Variants in TENM1 observed in about 807,000 individuals in gnomAD.
TENM1 encodes the protein teneurin transmembrane protein 1.
Under a neutral mutation model 174.8 loss-of-function variants are expected in TENM1, and 35 were observed. The observed-to-expected ratio is 0.20, with a 90% confidence interval of 0.15 to 0.27. The LOEUF (loss-of-function observed/expected upper bound fraction) is 0.27. TENM1 is among the 10% of genes least tolerant of loss of function. The probability of loss-of-function intolerance (pLI) is 1.00; values close to 1 mark genes in which losing one functional copy is unlikely to be tolerated. For missense variants in TENM1, 1,633 were observed against 2,130.1 expected, an observed-to-expected ratio of 0.77 and a Z score of 4.59; for synonymous variants, 781 against 798.7, an observed-to-expected ratio of 0.98 and a Z score of 0.37.
chrX:124,711,712 G>C (rs1447024499), intron 4 of TENM1, among the ~76,000 whole-genome samples: 1 of 111,785 alleles, frequency 8.9e-6, no homozygotes, highest in Non-Finnish European at 1.9e-5. Context: ...GTGATAAAAA[G>C]CATATGGCAT....
chrX:124,905,148 ACT>A (rs1569478699), intron 1 of TENM1, among the ~76,000 whole-genome samples: 1 of 109,248 alleles, frequency 9.2e-6, no homozygotes, highest in Non-Finnish European at 1.9e-5. Context: ...ACAAAGTGAG[ACT>A]CTGTCTCAAT....
chrX:125,064,045 C>T, the TENM1 span, among the ~76,000 whole-genome samples: 3 of 108,785 alleles, frequency 2.8e-5, no homozygotes, highest in South Asian at 1.2e-3. Flanking sequence ...TCATTCTCAG[C>T]AAACTATCGC....
intron 11 of TENM1, among the ~76,000 whole-genome samples, chrX:124,565,925 A>G (rs999057071): frequency 1.7e-4 from 19 of 112,519 alleles, no homozygotes; most frequent in African/African-American, 6.1e-4. Context: ...GTCTCTAAGA[A>G]TAATATAAAA....
exon 24 of TENM1, chrX:124,422,423 G>A (rs2060664329): frequency 8.3e-7 from 1 of 1,211,623 alleles, no homozygotes; most frequent in Admixed American, 2.2e-5. Flanking sequence ...CGCTGTGGGA[G>A]ACACTGATGG....
chrX:124,610,792 AATG>A (rs1341126549), intron 11 of TENM1, among the ~76,000 whole-genome samples: 1 of 111,725 alleles, frequency 9.0e-6, no homozygotes, highest in Non-Finnish European at 1.9e-5. Context: ...TAGTTTCTAA[AATG>A]ATATTATAAT....
intron 27 of TENM1, among the ~76,000 whole-genome samples, chrX:124,393,929 C>T (rs2060308180): frequency 8.9e-6 from 1 of 112,571 alleles, no homozygotes; most frequent in Admixed American, 9.4e-5. Context: ...TACCACTTTA[C>T]ACCACAAACT....
chrX:124,420,175 A>C, intron 25 of TENM1, 136 bp downstream of exon 28: 2 of 798,569 alleles, frequency 2.5e-6, no homozygotes, highest in Admixed American at 6.6e-5. Flanking sequence ...TTTCTCCTTG[A>C]CTTTTCATTT....
chrX:124,710,988 G>A (rs1478266823), intron 4 of TENM1, among the ~76,000 whole-genome samples: 2 of 112,081 alleles, frequency 1.8e-5, no homozygotes, highest in Non-Finnish European at 3.8e-5. Context: ...ATCTGTCTAA[G>A]CACATTGCTT....
At chrX:124,777,793 C>T (rs1412081116) in intron 3 of TENM1, among the ~76,000 whole-genome samples, 1 of 112,021 alleles carries the variant, frequency 8.9e-6, no homozygotes, top group East Asian at 2.8e-4. Flanking sequence ...ATTTTATTTG[C>T]CATTTCAAAT....
intron 11 of TENM1, among the ~76,000 whole-genome samples, chrX:124,623,173 G>T (rs1271911792): frequency 8.9e-6 from 1 of 111,939 alleles, no homozygotes; most frequent in African/African-American, 3.2e-5. Flanking sequence ...GTGTAAATAT[G>T]CATGGGTGTA....
chrX:124,476,009 C>T (rs962678346), intron 22 of TENM1, among the ~76,000 whole-genome samples: 2 of 111,541 alleles, frequency 1.8e-5, no homozygotes, highest in African/African-American at 3.3e-5. Context: ...TATGGCTTAC[C>T]CGTAATTTTG....
intron 15 of TENM1, among the ~76,000 whole-genome samples, chrX:124,536,458 G>T (rs1310056554): frequency 9.0e-6 from 1 of 111,372 alleles, no homozygotes; most frequent in East Asian, 2.8e-4. Context: ...TGGTGCTATT[G>T]AAAATGCAGA....
At chrX:125,146,599 G>A in the TENM1 span, among the ~76,000 whole-genome samples, 1 of 111,450 alleles carries the variant, frequency 9.0e-6, no homozygotes. Flanking sequence ...AGAGAATTAA[G>A]GGTACATAAA....
intron 3 of TENM1, among the ~76,000 whole-genome samples, chrX:124,863,922 C>T (rs1253241214): frequency 8.9e-6 from 1 of 112,467 alleles, no homozygotes; most frequent in African/African-American, 3.2e-5. Flanking sequence ...GACTCTGTTT[C>T]TTTGAGAGAA....
intron 18 of TENM1, among the ~76,000 whole-genome samples, chrX:124,513,168 G>A (rs1404243968): frequency 8.9e-6 from 1 of 111,816 alleles, no homozygotes; most frequent in African/African-American, 3.3e-5. Context: ...TGTCCATAGG[G>A]CTGAGTTCCT....
Position 124,394,932 on chromosome X carries a change from T to C in TENM1, c.5392-2584A>G, listed in dbSNP as rs769902277. On this transcript the variant is annotated intron_variant, in intron 27 of 31. Coordinates refer to ENST00000422452, the Ensembl canonical transcript of TENM1. ...TAGAAATCAGAAAGTAGTTTTTGTT[T>C]TTCTCTTTCATATTGCATGTTTTGC... is the stretch of plus-strand genomic sequence containing the variant. 7.1e-5 allele frequency among the ~76,000 whole-genome samples: 8 copies of C among 112,231 alleles called. No homozygotes were observed. In the East Asian group the frequency reaches 2.0e-3, roughly 27 times the overall value.
rs750784414 is a variant in TENM1, at chrX:124,642,824, T to C, written c.1877-833A>G. 5.3e-5 allele frequency among the ~76,000 whole-genome samples: 6 copies of C among 112,615 alleles called. No homozygotes were observed. The South Asian group carries it at 1.8e-3, about 34-fold the overall frequency. On this transcript the variant is annotated intron_variant, in intron 10 of 31. Coordinates refer to ENST00000422452, the Ensembl canonical transcript of TENM1. Reference sequence around the variant, plus strand: ...ATAGAAAGGTTGATTTCCAAATTTCTAGTCTTTCTATACAAATAAAATGAG... The same window carrying C: ...ATAGAAAGGTTGATTTCCAAATTTCCAGTCTTTCTATACAAATAAAATGAG...
intron 3 of TENM1, among the ~76,000 whole-genome samples, chrX:124,833,004 C>CT (rs770920129): frequency 2.0e-4 from 22 of 111,605 alleles, no homozygotes; most frequent in Admixed American, 1.6e-3. Flanking sequence ...TAAGGCACAT[C>CT]TTTTTTTAAT....
At chrX:124,853,013 C>T (rs989062633) in intron 3 of TENM1, among the ~76,000 whole-genome samples, 4 of 111,864 alleles carry the variant, frequency 3.6e-5, no homozygotes, top group African/African-American at 1.3e-4. Context: ...AGTCAAATTA[C>T]ATTTAATTTA....
Sources: allele counts gnomAD v4.1 joint callset (sites outside exome capture counted in the v4.1 genomes callset), GRCh38; gene constraint gnomAD v4.1.1; transcripts MANE v1.5; gene names NCBI Gene and HGNC (gene_info 2026-07-23, HGNC 2026-07-21).